The following ZAN variants were observed in gnomAD, a reference collection of about 807,000 sequenced individuals.
ZAN encodes zonadhesin (gene/pseudogene).
Under a neutral mutation model 286.2 loss-of-function variants are expected in ZAN, and 260 were observed. The observed-to-expected ratio is 0.91, with a 90% CI of 0.82 to 1.01. The LOEUF (loss-of-function observed/expected upper bound fraction) is 1.01. ZAN is among the 50% of genes least tolerant of loss of function. The pLI is 0.00. For synonymous variants in ZAN, 1,368 were observed against 1,417.5 expected (o/e 0.97, Z 0.79); for missense variants, 3,410 against 3,639.2 (o/e 0.94, Z 1.62).
intron 34 of ZAN, among the ~76,000 whole-genome samples, chr7:100,778,363 T>C (rs1233374049): frequency 2.7e-5 from 4 of 147,322 alleles, no homozygotes; most frequent in Non-Finnish European, 6.0e-5. Context: ...CAACACTTCG[T>C]GAGGCCAATG....
intron 39 of ZAN, among the ~76,000 whole-genome samples, chr7:100,790,365 A>G (rs1811858535): frequency 6.6e-6 from 1 of 151,230 alleles, no homozygotes; most frequent in Non-Finnish European, 1.5e-5. Context: ...GATCGAGACC[A>G]TCCTGGCTAA....
chr7:100,747,499 G>C lies in ZAN; in HGVS notation c.932-51G>C. The C allele has an allele frequency of 1.9e-6, 3 of 1,546,678 alleles. No individual in the cohort carries two copies. The South Asian group carries it at 3.3e-5, about 17-fold the overall frequency. ...ATCCTCCTAGGTATAGTTCAAAGTC[G>C]TTTCCCAGTCCCCTTAAGCTCACTT... On this transcript the variant is annotated intron_variant, in intron 8 of 47. Coordinates refer to ENST00000613979, the MANE Select transcript of ZAN (RefSeq NM_003386.3).
chr7:100,738,871 T>TCTCCTTCTCCTTCTCCTTCTC (rs1554396765), intron 7 of ZAN, among the ~76,000 whole-genome samples: 5 of 23,708 alleles, frequency 2.1e-4, no homozygotes, highest in South Asian at 2.8e-3. Flanking sequence ...TTCCTCTTCT[T>TCTCCTTCTCCTTCTCCTTCTC]CTTCTCCCTC....
At chr7:100,746,780 C>A in intron 8 of ZAN, 78 bp downstream of exon 8, 1 of 1,512,324 alleles carries the variant, frequency 6.6e-7, no homozygotes, top group Non-Finnish European at 9.1e-7. Flanking sequence ...AAACATGGGG[C>A]ATCCCTCAGG....
chr7:100,755,567 C>A (rs1213387549), intron 15 of ZAN, among the ~76,000 whole-genome samples, 157 bp downstream of exon 15: 1 of 152,070 alleles, frequency 6.6e-6, no homozygotes, highest in Non-Finnish European at 1.5e-5. Context: ...CGAAGTTATT[C>A]ATTCAATCTT....
Position 100,748,336 on chromosome 7 carries a change from A to C in ZAN, c.1115A>C (p.Gln372Pro), listed in dbSNP as rs771735156. The change falls in exon 11 of 48, where the codon CAG (glutamine) becomes CCG (proline). Residue 372 changes from glutamine (Q) to proline (P), a missense_variant. Transcript: ENST00000613979. ...TTTGATCCCCCAGAGGGTTTTCCTC[A>C]GTGTGACTTTGAAGACAACGCCCAT... Reference protein sequence around the residue: ...SIAPCGEGFPQCDFEDNAHPF... With the variant: ...SIAPCGEGFPPCDFEDNAHPF... The C allele has an allele frequency of 1.2e-6, 2 of 1,613,982 alleles. No homozygotes were observed. The highest frequency in any genetic ancestry group is 8.5e-7 in the Non-Finnish European group (1 of 1,179,904).
Position 100,764,154 on chromosome 7 carries a change from G to T in ZAN, c.4225G>T (p.Ala1409Ser), listed in dbSNP as rs374042107. 5.6e-6 allele frequency: 9 copies of T among 1,605,210 alleles called. No individual in the cohort carries two copies. The highest frequency in any genetic ancestry group is 3.3e-4 in the Middle Eastern group (2 of 6,018). Residue 1409 changes from alanine to serine, a missense_variant, in exon 22 of 48, where the codon GCA (alanine) becomes TCA (serine). Coordinates refer to ENST00000613979, the MANE Select transcript of ZAN (RefSeq NM_003386.3). The stretch of plus-strand genomic sequence containing the variant: ...CACCATGACCACCACCTGCCAGGAC[G>T]CAGGCCACGCTGTGAAGCCCTGGAG... ...MSTMTTTCQD[A>S]GHAVKPWREP...
Position 100,765,512 on chromosome 7 carries a change from C to A in ZAN, c.4428C>A (p.Arg1476=). Residue 1476 remains arginine (R), a synonymous_variant, in exon 23 of 48, where the codon CGC becomes CGA. Transcript: ENST00000613979. ...TCAGTGGCCTCGAGTGCATACCTCG[C>A]TCCCAGTGTGGGTGCCTCCACCCTG... The part of the protein sequence containing the change: ...FVLSGLECIP[R]SQCGCLHPAG... 6.2e-7 allele frequency: 1 copy of A among 1,611,300 alleles called. No homozygotes were observed.
At chr7:100,781,652 C>CTTTT (rs5886134) in intron 35 of ZAN, among the ~76,000 whole-genome samples, 1 of 128,278 alleles carries the variant, frequency 7.8e-6, no homozygotes, top group Non-Finnish European at 1.6e-5. Flanking sequence ...CATTGCTATA[C>CTTTT]TTTTTTTTTT....
In ZAN at chr7:100,739,442, C is replaced by T. The variant is rs1445766898; in HGVS notation, c.766+829C>T. ...GGTGTGGTAGCGGGGGGGCAGTTAC[C>T]GACACAAAGTAAATATAGTTATAAA... is the stretch of plus-strand genomic sequence containing the variant. On this transcript the variant is annotated intron_variant, in intron 7 of 47. Transcript: ENST00000613979. Among the ~76,000 whole-genome samples, 4 of 138,046 alleles carry T rather than the reference C, an allele frequency of 2.9e-5. 1 individual carries two copies. Among genetic ancestry groups the T allele is most frequent in the East Asian group, 2.1e-4 (1 of 4,738 alleles). 90.6% of individuals were successfully genotyped at this position (138,046 alleles called of 152,430 possible). A position where few individuals can be genotyped will look rare whatever the true frequency, so the allele number is the denominator to read the frequency against.
At chr7:100,749,429 A>G (rs1808457089) in intron 11 of ZAN, among the ~76,000 whole-genome samples, 2 of 150,872 alleles carry the variant, frequency 1.3e-5, no homozygotes, top group South Asian at 2.1e-4. Flanking sequence ...TCACAAGGTC[A>G]GGAGATCGAG....
rs112018695 is a variant in ZAN at position 100,794,398 on chromosome 7, A to G, written c.8125+140A>G. ...GTCCCTGCCTTTGTAGGGAGGGACAAAGGACAAAGATCTCCCGATCCCTAA... is the reference window on the plus strand; with the variant it reads ...GTCCCTGCCTTTGTAGGGAGGGACAGAGGACAAAGATCTCCCGATCCCTAA... On this transcript the variant is annotated intron_variant, in intron 44 of 47. Coordinates refer to ENST00000613979, the MANE Select transcript of ZAN (RefSeq NM_003386.3). 2.9e-5 allele frequency: 40 copies of G among 1,382,094 alleles called. No individual in the cohort carries two copies. In the African/African-American group the frequency reaches 3.3e-4, roughly 12 times the overall value. 85.6% of individuals were successfully genotyped at this position (1,382,094 alleles called of 1,614,324 possible).
intron 2 of ZAN, among the ~76,000 whole-genome samples, chr7:100,734,809 AG>A (rs1400873513): frequency 7.1e-6 from 1 of 140,276 alleles, no homozygotes; most frequent in African/African-American, 2.6e-5. Flanking sequence ...AGAAGGATTG[AG>A]GGGTCAGGCC....
chr7:100,746,060 C>A (rs1025450791), intron 7 of ZAN, among the ~76,000 whole-genome samples: 6 of 149,722 alleles, frequency 4.0e-5, no homozygotes, highest in Admixed American at 6.7e-5. Context: ...CCTATCTTTT[C>A]AAAAAAAAAT....
At position 100,758,534 on chromosome 7, in the gene ZAN, G is replaced by A. The variant is rs1001365224; in HGVS notation, c.3455G>A (p.Gly1152Asp). ...CTGTTCTCCTTCCCCCTCCCAGCAG[G>A]CACTGCCACCTGCTTGGTCTACGGA... Reference protein sequence around the residue: ...NGQYGCHPYAGTATCLVYGDP... With the variant: ...NGQYGCHPYADTATCLVYGDP... Residue 1152 changes from glycine (G) to aspartate (D), a missense_variant, in exon 17 of 48, where the codon GGC (glycine) becomes GAC (aspartate). Gly to Asp is a moderately conservative substitution (Grantham distance 94). Around this residue, in one of 7 missense-constraint regions of ZAN, gnomAD observed 1,042 missense variants for 1,058.0 expected, o/e 0.98. Transcript: ENST00000613979. 12 of 1,558,220 alleles carry A rather than the reference G, an allele frequency of 7.7e-6. No homozygotes were observed. The highest frequency in any genetic ancestry group is 1.2e-5 in the South Asian group (1 of 84,500).
intron 17 of ZAN, 98 bp from the exon 18 acceptor site, chr7:100,759,623 G>GCCCC: frequency 7.1e-7 from 1 of 1,415,372 alleles, no homozygotes; most frequent in Non-Finnish European, 9.3e-7. Flanking sequence ...TGTCTCGGTG[G>GCCCC]CGCTCATCTC....
chr7:100,745,205 T>C lies in ZAN; in HGVS notation c.767-1333T>C, dbSNP rs1808108193. ...GCCCGTGTCCTTGATTTCTCTTTCA[T>C]CATTTTCCCACTTCCTTTCCTTTCC... On this transcript the variant is annotated intron_variant, in intron 7 of 47. Coordinates refer to ENST00000613979, the MANE Select transcript of ZAN (RefSeq NM_003386.3). Among the ~76,000 whole-genome samples, 3 of 151,624 alleles carry C rather than the reference T, an allele frequency of 2.0e-5. 1 individual carries two copies. Among genetic ancestry groups the C allele is most frequent in the African/African-American group, 7.3e-5 (3 of 41,196 alleles).
intron 41 of ZAN, 127 bp downstream of exon 41, chr7:100,792,275 A>T: frequency 6.6e-7 from 1 of 1,504,374 alleles, no homozygotes; most frequent in South Asian, 1.3e-5. Context: ...CTGTGGCCTA[A>T]TTTCCTTGTG....
chr7:100,785,357 T>C (rs957543876), intron 36 of ZAN, among the ~76,000 whole-genome samples: 1 of 148,466 alleles, frequency 6.7e-6, no homozygotes, highest in East Asian at 2.1e-4. Flanking sequence ...CAGTCTCCTG[T>C]GTAGCTGGGA....
Sources: gnomAD v4.1 joint callset for allele counts (sites outside exome capture counted in the v4.1 genomes callset) on GRCh38, gnomAD v4.1.1 for gene constraint, gnomAD v4.1.1 regional missense constraint, MANE v1.5 for transcripts, NCBI Gene and HGNC (gene_info 2026-07-23, HGNC 2026-07-21) for gene names.